The following CELF2 variants were observed in gnomAD, a reference collection of about 807,000 sequenced individuals.
CELF2 encodes the protein CUGBP Elav-like family member 2.
In CELF2, 8 loss-of-function variants were observed where a neutral mutation model predicts 62.6. The observed-to-expected ratio is 0.13, with a 90% confidence interval of 0.07 to 0.23. The LOEUF is 0.23. Ranked by LOEUF, CELF2 falls within the 10% of genes least tolerant of loss-of-function variation. The pLI is 1.00. For missense variants in CELF2, 333 were observed against 671.0 expected (o/e 0.50, Z 5.56); for synonymous variants, 258 against 250.0 (o/e 1.03, Z -0.30).
intron 2 of CELF2, among the ~76,000 whole-genome samples, chr10:11,169,704 A>C (rs1247440470): frequency 6.6e-6 from 1 of 152,190 alleles, no homozygotes; most frequent in Non-Finnish European, 1.5e-5. Flanking sequence ...AGAGGCTCAG[A>C]GGCTGATGCA....
chr10:10,704,998 G>T, the CELF2 span, among the ~76,000 whole-genome samples: 4 of 151,866 alleles, frequency 2.6e-5, no homozygotes, highest in Admixed American at 6.6e-5. Flanking sequence ...AGATCAGCCT[G>T]GGCAACATGG....
At chr10:10,623,610 A>G in the CELF2 span, among the ~76,000 whole-genome samples, 1 of 152,092 alleles carries the variant, frequency 6.6e-6, no homozygotes, top group Non-Finnish European at 1.5e-5. Flanking sequence ...CTTAGGGGAA[A>G]GGATCCAGGA....
chr10:11,198,431 A>G (rs1311215615), intron 2 of CELF2, among the ~76,000 whole-genome samples: 2 of 152,330 alleles, frequency 1.3e-5, no homozygotes, highest in East Asian at 3.9e-4. Context: ...GAGGCAGAAC[A>G]CTTAATCTGT....
chr10:11,005,289 A>C, upstream of CELF2: 1 of 1,556,762 alleles, frequency 6.4e-7, no homozygotes, highest in Non-Finnish European at 8.7e-7. This position sits in a 1 kb window ranked among gnomAD's most constrained non-coding sequence, Gnocchi z 4.3. Flanking sequence ...AGAGAGAGAG[A>C]GAGAGGGAGG....
the CELF2 span, among the ~76,000 whole-genome samples, chr10:10,592,319 A>G: frequency 1.3e-5 from 2 of 152,178 alleles, no homozygotes; most frequent in African/African-American, 4.8e-5. Context: ...TTTGGGATGG[A>G]AAAAGGAAAA....
At chr10:10,821,323 C>T (rs986048155) in intron 1 of CELF2, among the ~76,000 whole-genome samples, 5 of 152,006 alleles carry the variant, frequency 3.3e-5, no homozygotes, top group African/African-American at 7.3e-5. Context: ...TGAAGGCACA[C>T]GTGGATGCTG....
the CELF2 span, among the ~76,000 whole-genome samples, chr10:10,569,439 T>TTTAA: frequency 6.6e-6 from 1 of 152,264 alleles, no homozygotes; most frequent in South Asian, 2.1e-4. Context: ...GTCCTCATAA[T>TTTAA]TTAATTATCT....
chr10:10,680,223 G>A, the CELF2 span, among the ~76,000 whole-genome samples: 1 of 152,140 alleles, frequency 6.6e-6, no homozygotes, highest in South Asian at 2.1e-4. Context: ...ACACTGCAGA[G>A]TTTGGGAGTC....
In CELF2 at chr10:11,290,569, C is replaced by T. The variant is rs985923036; in HGVS notation, c.976+2017C>T. Reference sequence around the variant, plus strand: ...GGGCCACTCAGACGGTCTAGGGCGACGGCCTAGGTGTTAGTCGGAAAGGAA... The same window carrying T: ...GGGCCACTCAGACGGTCTAGGGCGATGGCCTAGGTGTTAGTCGGAAAGGAA... On this transcript the variant is annotated intron_variant, in intron 9 of 12. Transcript: ENST00000633077. The surrounding 1 kb of genome is among the most constrained non-coding windows in gnomAD (Gnocchi z 4.3). Among the ~76,000 whole-genome samples the T allele has an allele frequency of 2.0e-5, 3 of 151,280 alleles. No homozygotes were observed. The highest frequency in any genetic ancestry group is 7.3e-5 in the African/African-American group (3 of 41,150).
At chr10:10,553,479 G>A in the CELF2 span, among the ~76,000 whole-genome samples, 14,978 of 152,128 alleles carry the variant, frequency 0.098, 923 homozygotes, top group South Asian at 0.19. Flanking sequence ...TCATTGCACG[G>A]GGAGTTAGGG....
the CELF2 span, among the ~76,000 whole-genome samples, chr10:10,767,862 G>T: frequency 7.0e-6 from 1 of 143,318 alleles, no homozygotes; most frequent in African/African-American, 2.6e-5. Flanking sequence ...CGGGCGTGGT[G>T]GCGGGCGCCT....
At chr10:11,195,213 T>A (rs181154768) in intron 2 of CELF2, among the ~76,000 whole-genome samples, 17 of 152,348 alleles carry the variant, frequency 1.1e-4, no homozygotes. Flanking sequence ...GCACTTTTAC[T>A]GTCCTCTTGC....
At chr10:11,201,723 G>T (rs1442418630) in intron 2 of CELF2, among the ~76,000 whole-genome samples, 1 of 152,200 alleles carries the variant, frequency 6.6e-6, no homozygotes, top group Non-Finnish European at 1.5e-5. Flanking sequence ...AAGAATCCCA[G>T]GGAACACTGC....
chr10:11,104,553 G>A (rs991186588), intron 1 of CELF2, among the ~76,000 whole-genome samples: 1 of 152,148 alleles, frequency 6.6e-6, no homozygotes, highest in Non-Finnish European at 1.5e-5. Flanking sequence ...TGTGTGGTGT[G>A]TGCCTATAGA....
At chr10:11,087,087 G>T (rs901747358) in intron 1 of CELF2, among the ~76,000 whole-genome samples, 1 of 152,130 alleles carries the variant, frequency 6.6e-6, no homozygotes, top group South Asian at 2.1e-4. Flanking sequence ...TGGGAAGACT[G>T]CTCCCCAAAA....
At chr10:11,226,162 G>A (rs758226592) in intron 3 of CELF2, among the ~76,000 whole-genome samples, 2 of 152,178 alleles carry the variant, frequency 1.3e-5, no homozygotes, top group East Asian at 1.9e-4. Flanking sequence ...CCATGGGGAG[G>A]CTCCATGGCT....
the CELF2 span, among the ~76,000 whole-genome samples, chr10:10,513,241 G>A: frequency 4.6e-5 from 7 of 151,982 alleles, no homozygotes; most frequent in Non-Finnish European, 1.0e-4. Context: ...GTGACATACT[G>A]AAGAAGTCGT....
intron 9 of CELF2, among the ~76,000 whole-genome samples, chr10:11,289,530 T>C (rs1165578089): frequency 6.6e-6 from 1 of 152,208 alleles, no homozygotes; most frequent in Admixed American, 6.5e-5. Context: ...TGTCTCTGCA[T>C]AAAACATTGT....
At chr10:10,823,676 A>G (rs1259877527) in intron 1 of CELF2, among the ~76,000 whole-genome samples, 1 of 152,218 alleles carries the variant, frequency 6.6e-6, no homozygotes, top group Non-Finnish European at 1.5e-5. Context: ...TGCGGCAGAG[A>G]TAATCGTATT....
Sources: allele counts gnomAD v4.1 joint callset (sites outside exome capture counted in the v4.1 genomes callset), GRCh38; gene constraint gnomAD v4.1.1; non-coding constraint Gnocchi (gnomAD v3.1); transcripts MANE v1.5; gene names NCBI Gene and HGNC (gene_info 2026-07-23, HGNC 2026-07-21).